ATRNL1: variants seen among roughly 807,000 people sequenced by gnomAD.
The protein encoded by ATRNL1 is attractin like 1, also known as attractin-like protein 1.
ATRNL1 carries 95 observed loss-of-function variants against 182.7 expected under a neutral mutation model. That is an observed-to-expected ratio of 0.52 (90% confidence interval 0.44 to 0.62). The LOEUF is 0.62. ATRNL1 is among the 20% of genes least tolerant of loss of function. The pLI is 0.00. For missense variants in ATRNL1, 1,471 were observed against 1,679.5 expected (o/e 0.88, Z 2.17); for synonymous variants, 576 against 568.3 (o/e 1.01, Z -0.19).
chr10:115,237,130 T>C (rs138400015), intron 9 of ATRNL1, among the ~76,000 whole-genome samples: 298 of 152,340 alleles, frequency 2.0e-3, no homozygotes, highest in African/African-American at 6.8e-3. Context: ...AACCATCTTT[T>C]GTTTATCCAG....
At chr10:115,275,863 T>C (rs1554914686) in intron 13 of ATRNL1, among the ~76,000 whole-genome samples, 1 of 152,160 alleles carries the variant, frequency 6.6e-6, no homozygotes, top group African/African-American at 2.4e-5. Context: ...CCAAGGCAGA[T>C]CCAGCATTTC....
intron 24 of ATRNL1, among the ~76,000 whole-genome samples, chr10:115,486,347 T>C (rs1380648852): frequency 1.3e-5 from 2 of 152,168 alleles, no homozygotes; most frequent in Admixed American, 1.3e-4. Flanking sequence ...GTTGAACTAA[T>C]TTACACTCCC....
At chr10:115,856,428 C>CAAAAAAAAAAAAAAAAAAAA (rs572743389) in intron 28 of ATRNL1, among the ~76,000 whole-genome samples, 603 of 22,528 alleles carry the variant, frequency 0.027, 245 homozygotes, top group East Asian at 0.049. Flanking sequence ...AGCTCCATCT[C>CAAAAAAAAAAAAAAAAAAAA]AAAAAAAAAA....
chr10:115,535,512 A>T (rs1365677654), intron 25 of ATRNL1, among the ~76,000 whole-genome samples: 1 of 150,916 alleles, frequency 6.6e-6, no homozygotes, highest in African/African-American at 2.4e-5. Flanking sequence ...CATTAGTCTA[A>T]ATTTTTTTCA....
intron 25 of ATRNL1, among the ~76,000 whole-genome samples, chr10:115,545,234 C>CA (rs71010026): frequency 0.025 from 2,328 of 94,682 alleles, 56 homozygotes; most frequent in Admixed American, 0.029. Flanking sequence ...GACTCCGTAT[C>CA]AAAAAAAAAA....
intron 27 of ATRNL1, among the ~76,000 whole-genome samples, chr10:115,835,762 C>T (rs1950655183): frequency 1.3e-5 from 2 of 152,302 alleles, no homozygotes; most frequent in Admixed American, 6.5e-5. Flanking sequence ...AGTCCTTCTC[C>T]AGAAATCACC....
chr10:115,487,020 G>C (rs1174414089), intron 24 of ATRNL1, among the ~76,000 whole-genome samples: 2 of 152,014 alleles, frequency 1.3e-5, no homozygotes, highest in African/African-American at 2.4e-5. Flanking sequence ...CTTGTTTTTT[G>C]TCAGGTTTGT....
At chr10:115,782,949 A>AT (rs1949302787) in intron 27 of ATRNL1, among the ~76,000 whole-genome samples, 2 of 152,198 alleles carry the variant, frequency 1.3e-5, no homozygotes, top group African/African-American at 4.8e-5. Context: ...TGTTAGGAGC[A>AT]TTTTTATTAA....
At chr10:115,465,428 A>G (rs1339252246) in intron 22 of ATRNL1, among the ~76,000 whole-genome samples, 1 of 151,674 alleles carries the variant, frequency 6.6e-6, no homozygotes, top group Non-Finnish European at 1.5e-5. Flanking sequence ...ATTTATTGCT[A>G]CAGTCAAAGA....
chr10:115,489,019 A>G (rs1477797463), intron 24 of ATRNL1, among the ~76,000 whole-genome samples: 1 of 152,048 alleles, frequency 6.6e-6, no homozygotes, highest in Non-Finnish European at 1.5e-5. Context: ...TTCAGTTTCC[A>G]TGTAGTTGTG....
At chr10:115,201,946 C>T (rs1848598773) in intron 8 of ATRNL1, among the ~76,000 whole-genome samples, 1 of 152,096 alleles carries the variant, frequency 6.6e-6, no homozygotes. Flanking sequence ...AGGTCCTTCA[C>T]ATCCCTTGTA....
chr10:115,347,606 G>C (rs1856035320), intron 19 of ATRNL1, among the ~76,000 whole-genome samples: 1 of 151,910 alleles, frequency 6.6e-6, no homozygotes. Flanking sequence ...ATTTATATTT[G>C]ACTGGCAAAG....
chr10:115,137,100 C>T (rs1845547767), intron 5 of ATRNL1, among the ~76,000 whole-genome samples: 2 of 152,130 alleles, frequency 1.3e-5, no homozygotes, highest in African/African-American at 2.4e-5. Context: ...GAGGCTGAGG[C>T]AGGAGAATCA....
chr10:115,449,048 T>C (rs1352214163), intron 21 of ATRNL1, among the ~76,000 whole-genome samples: 1 of 152,152 alleles, frequency 6.6e-6, no homozygotes, highest in East Asian at 1.9e-4. Context: ...AGGGAAACAC[T>C]GGGTAGAAGA....
At chr10:115,256,220 T>C (rs1470028106) in intron 10 of ATRNL1, among the ~76,000 whole-genome samples, 2 of 152,218 alleles carry the variant, frequency 1.3e-5, no homozygotes, top group Admixed American at 1.3e-4. Context: ...TGGTACCAGC[T>C]CCTCTTTGTA....
chr10:115,349,626 G>A (rs534890775), intron 19 of ATRNL1, among the ~76,000 whole-genome samples: 1 of 152,214 alleles, frequency 6.6e-6, no homozygotes, highest in Admixed American at 6.5e-5. Flanking sequence ...ATCCTCACCA[G>A]CATTTGTTAT....
intron 28 of ATRNL1, among the ~76,000 whole-genome samples, chr10:115,912,599 A>T (rs541142259): frequency 6.6e-6 from 1 of 152,256 alleles, no homozygotes; most frequent in African/African-American, 2.4e-5. Context: ...TAAGGAAATA[A>T]TTAGAAATTT....
chr10:115,728,731 G>A (rs1484996193), intron 27 of ATRNL1, among the ~76,000 whole-genome samples: 1 of 152,074 alleles, frequency 6.6e-6, no homozygotes, highest in African/African-American at 2.4e-5. Flanking sequence ...TGATTTTTAA[G>A]ACATTTTGTG....
chr10:115,718,073 C>T (rs1555056786), intron 26 of ATRNL1, among the ~76,000 whole-genome samples: 1 of 152,158 alleles, frequency 6.6e-6, no homozygotes, highest in Non-Finnish European at 1.5e-5. Context: ...TGGAAAGTGA[C>T]AAGATTGAAA....
Sources: allele counts gnomAD v4.1 joint callset (sites outside exome capture counted in the v4.1 genomes callset), GRCh38; gene constraint gnomAD v4.1.1; transcripts MANE v1.5; gene names NCBI Gene and HGNC (gene_info 2026-07-23, HGNC 2026-07-21).